The following MIDEAS variants were observed in gnomAD, a reference collection of about 807,000 sequenced individuals.
MIDEAS encodes the protein mitotic deacetylase associated SANT domain protein.
A neutral mutation model predicts 102.7 loss-of-function variants in MIDEAS; 26 were observed. The ratio of observed to expected loss-of-function variants is 0.25; its 90% CI spans 0.19 to 0.35. MIDEAS has a LOEUF of 0.35. Among genes scored for constraint, MIDEAS ranks in the 10% least tolerant of loss-of-function variants. The probability of loss-of-function intolerance (pLI) is 1.00; values close to 1 mark genes in which losing one functional copy is unlikely to be tolerated. For missense variants in MIDEAS, 1,231 were observed against 1,435.6 expected (o/e 0.86, Z 2.30); for synonymous variants, 585 against 591.0 (o/e 0.99, Z 0.15).
At chr14:73,787,495 C>T (rs1053968743), upstream of MIDEAS, 3 of 152,302 alleles carry the variant, frequency 2.0e-5, no homozygotes, top group African/African-American at 7.2e-5. Context: ...GCTGGAGTCC[C>T]CTGCTCTCAG....
chr14:73,760,833 C>G (rs1008905579), upstream of MIDEAS, among the ~76,000 whole-genome samples: 1 of 152,214 alleles, frequency 6.6e-6, no homozygotes, highest in African/African-American at 2.4e-5. This position sits in a 1 kb window ranked among gnomAD's most constrained non-coding sequence, Gnocchi z 4.8. Flanking sequence ...TTAAATCTAG[C>G]AACTCAGGCC....
intron 7 of MIDEAS, among the ~76,000 whole-genome samples, 157 bp from the exon 8 acceptor site, chr14:73,726,265 AGGG>A (rs143224767): frequency 0.15 from 22,073 of 152,030 alleles, 1,901 homozygotes; most frequent in South Asian, 0.26. Flanking sequence ...GTGAGATCAC[AGGG>A]GGTGGGGCTG....
At chr14:73,771,254 G>T (rs2053639616) in intron 1 of MIDEAS, among the ~76,000 whole-genome samples, 1 of 152,146 alleles carries the variant, frequency 6.6e-6, no homozygotes, top group Non-Finnish European at 1.5e-5. Flanking sequence ...CTGAAATTTG[G>T]TTTTAGCAAA....
chr14:73,781,918 G>A lies in MIDEAS; in HGVS notation c.-248+5184C>T, dbSNP rs375703099. 1.4e-4 allele frequency among the ~76,000 whole-genome samples: 22 copies of A among 152,098 alleles called. No individual in the cohort carries two copies. In the South Asian group the frequency reaches 3.1e-3, roughly 21 times the overall value. Reference sequence around the variant, plus strand: ...CTAAAAACACAAAAATTAGACGGGCGTGGTGGCAGACATCCATAATCCCAG... The same window carrying A: ...CTAAAAACACAAAAATTAGACGGGCATGGTGGCAGACATCCATAATCCCAG... On this transcript the variant is annotated intron_variant, in intron 1 of 11. Transcript: ENST00000394071.
chr14:73,719,981 G>A (rs894256065), intron 11 of MIDEAS, among the ~76,000 whole-genome samples: 1 of 151,888 alleles, frequency 6.6e-6, no homozygotes, highest in African/African-American at 2.4e-5. Flanking sequence ...GCGCACTGCA[G>A]GGACACCAAA....
intron 12 of MIDEAS, 23 bp downstream of exon 12, chr14:73,719,282 G>T: frequency 7.2e-7 from 1 of 1,386,914 alleles, no homozygotes. Context: ...GGGTCCCAGC[G>T]GGGACAGCGC....
chr14:73,774,864 C>T (rs552967574), intron 1 of MIDEAS, among the ~76,000 whole-genome samples: 1 of 152,172 alleles, frequency 6.6e-6, no homozygotes, highest in South Asian at 2.1e-4. Context: ...TCCCTCACAG[C>T]CCCTCAGGTG....
intron 1 of MIDEAS, among the ~76,000 whole-genome samples, chr14:73,774,302 C>T (rs1280713468): frequency 6.6e-6 from 1 of 151,904 alleles, no homozygotes; most frequent in Non-Finnish European, 1.5e-5. Flanking sequence ...GCTCCCACTG[C>T]ACCCTGCAAT....
chr14:73,727,154 G>C, intron 5 of MIDEAS, 182 bp from the exon 6 acceptor site: 1 of 754,618 alleles, frequency 1.3e-6, no homozygotes, highest in African/African-American at 1.8e-5. Context: ...AGAAAGGCAA[G>C]GTCCAGAGGC....
chr14:73,751,849 A>G (rs924820012), intron 1 of MIDEAS, among the ~76,000 whole-genome samples: 4 of 152,156 alleles, frequency 2.6e-5, no homozygotes, highest in African/African-American at 9.7e-5. Context: ...GCAGTGAGCC[A>G]AGATCGTACC....
rs1310397617 is a variant in MIDEAS at position 73,716,193 on chromosome 14, T to C, written c.*2650A>G. 6.6e-6 allele frequency: 1 copy of C among 152,524 alleles called. No homozygotes were observed. Among genetic ancestry groups the C allele is most frequent in the African/African-American group, 2.4e-5 (1 of 41,446 alleles). 9.4% of individuals were successfully genotyped at this position (152,524 alleles called of 1,614,324 possible). A position where few individuals can be genotyped will look rare whatever the true frequency, so the allele number is the denominator to read the frequency against. The stretch of plus-strand genomic sequence containing the variant: ...GCTTCTATAGCTGCACCTGCTTTAT[T>C]GGCAGGTCACTTGCCACAATTGCAT... On this transcript the variant is annotated 3_prime_UTR_variant, in exon 13 of 13. Coordinates refer to ENST00000423556, the MANE Select transcript of MIDEAS (RefSeq NM_001367710.1).
chr14:73,738,411 G>A (rs2053231826), intron 2 of MIDEAS, 149 bp downstream of exon 2: 1 of 849,600 alleles, frequency 1.2e-6, no homozygotes, highest in Non-Finnish European at 1.7e-6. Flanking sequence ...CCTGTGGCAA[G>A]GTGAAGGGTG....
chr14:73,719,573 A>G, intron 11 of MIDEAS, 72 bp from the exon 12 acceptor site: 7 of 1,483,888 alleles, frequency 4.7e-6, no homozygotes, highest in Non-Finnish European at 6.5e-6. Context: ...AATCGCAGGG[A>G]ACCGGGGGCC....
chr14:73,743,288 ACT>A (rs1426169852), intron 1 of MIDEAS, among the ~76,000 whole-genome samples: 1 of 151,944 alleles, frequency 6.6e-6, no homozygotes, highest in East Asian at 1.9e-4. Flanking sequence ...TTTGGCAGGT[ACT>A]CTCTCCCATT....
At chr14:73,769,643 C>T (rs10129295) in intron 1 of MIDEAS, among the ~76,000 whole-genome samples, 57,811 of 151,760 alleles carry the variant, frequency 0.38, 11,583 homozygotes, top group East Asian at 0.67. Flanking sequence ...ACTCTATTGC[C>T]CAGGCTGGAG....
chr14:73,732,785 CAAAAA>C (rs57681928), intron 3 of MIDEAS, among the ~76,000 whole-genome samples: 4 of 46,072 alleles, frequency 8.7e-5, no homozygotes, highest in South Asian at 9.2e-4. Flanking sequence ...GACTCCCTCT[CAAAAA>C]AAAAAAAAAA....
intron 1 of MIDEAS, among the ~76,000 whole-genome samples, chr14:73,747,114 G>A (rs36050771): frequency 0.022 from 3,365 of 152,214 alleles, 58 homozygotes; most frequent in Non-Finnish European, 0.035. Context: ...CCTCCAGCTG[G>A]CCCTCCAGCA....
intron 1 of MIDEAS, among the ~76,000 whole-genome samples, chr14:73,756,295 TGCGCGC>T (rs1555344807): frequency 7.8e-6 from 1 of 127,626 alleles, no homozygotes; most frequent in South Asian, 2.7e-4. Flanking sequence ...TGTGTGTGTG[TGCGCGC>T]GCGCGTGCGC....
upstream of MIDEAS, among the ~76,000 whole-genome samples, chr14:73,763,400 TGTTACG>T (rs1310596076): frequency 3.9e-5 from 6 of 152,160 alleles, no homozygotes; most frequent in Admixed American, 6.5e-5. Context: ...TCAATAAAGC[TGTTACG>T]AAGTTGGGGG....
Sources: allele counts gnomAD v4.1 joint callset (sites outside exome capture counted in the v4.1 genomes callset), GRCh38; gene constraint gnomAD v4.1.1; non-coding constraint Gnocchi (gnomAD v3.1); transcripts MANE v1.5; gene names NCBI Gene and HGNC (gene_info 2026-07-23, HGNC 2026-07-21).